Variants in AMOTL1 observed in about 807,000 individuals in gnomAD.
The protein encoded by AMOTL1 is angiomotin like 1.
A neutral mutation model predicts 102.9 loss-of-function variants in AMOTL1; 45 were observed. That is an observed-to-expected ratio of 0.44 (90% CI 0.34 to 0.56). The LOEUF (loss-of-function observed/expected upper bound fraction) is 0.56, where lower values mean the gene tolerates loss of function less well. Among genes scored for constraint, AMOTL1 ranks in the 20% least tolerant of loss-of-function variants. The pLI, the probability that AMOTL1 is intolerant of heterozygous loss-of-function variation, is 0.01. For missense variants in AMOTL1, 1,114 were observed against 1,225.6 expected (o/e 0.91, Z 1.36); for synonymous variants, 481 against 484.7 (o/e 0.99, Z 0.10).
intron 3 of AMOTL1, among the ~76,000 whole-genome samples, chr11:94,747,954 G>T (rs1177229943): frequency 6.6e-6 from 1 of 152,180 alleles, no homozygotes; most frequent in Non-Finnish European, 1.5e-5. Flanking sequence ...ATGGAATGGG[G>T]TGGGGTGGAA....
At chr11:94,859,003 C>G (rs1055639683) in intron 8 of AMOTL1, among the ~76,000 whole-genome samples, 1 of 152,172 alleles carries the variant, frequency 6.6e-6, no homozygotes, top group African/African-American at 2.4e-5. Context: ...TGAATACCTC[C>G]TTTCCCAGCA....
At chr11:94,815,848 AAG>A (rs751252628) in intron 3 of AMOTL1, among the ~76,000 whole-genome samples, 1 of 152,162 alleles carries the variant, frequency 6.6e-6, no homozygotes, top group African/African-American at 2.4e-5. Flanking sequence ...CTGGTTAAGA[AAG>A]AGGGATATTC....
intron 1 of AMOTL1, among the ~76,000 whole-genome samples, chr11:94,715,794 C>A (rs1436780817): frequency 6.6e-6 from 1 of 151,920 alleles, no homozygotes; most frequent in Non-Finnish European, 1.5e-5. Flanking sequence ...TGTTTTATTT[C>A]GTTTCAGTTT....
intron 3 of AMOTL1, chr11:94,820,350 G>T (rs1469828827): frequency 6.6e-6 from 1 of 152,502 alleles, no homozygotes; most frequent in Admixed American, 6.5e-5. Flanking sequence ...CACCACAGGA[G>T]AGGCAGCTCC....
chr11:94,756,751 A>G (rs1950730462), intron 3 of AMOTL1, among the ~76,000 whole-genome samples: 1 of 152,136 alleles, frequency 6.6e-6, no homozygotes, highest in Non-Finnish European at 1.5e-5. Context: ...GAGTTTCCCC[A>G]TCCACTCCCA....
chr11:94,803,899 A>G (rs1440156069), intron 3 of AMOTL1, among the ~76,000 whole-genome samples: 15 of 152,222 alleles, frequency 9.9e-5, no homozygotes. Context: ...TCCTGTACAA[A>G]TTAATTTTTT....
intron 3 of AMOTL1, among the ~76,000 whole-genome samples, chr11:94,804,988 CTT>C (rs1260455800): frequency 1.3e-5 from 2 of 152,170 alleles, no homozygotes; most frequent in African/African-American, 4.8e-5. Context: ...ACAATAAAAA[CTT>C]AGGCTTAGAG....
In AMOTL1 at chr11:94,853,949, C is replaced by T. The variant is rs1186448117; in HGVS notation, c.1811C>T (p.Ala604Val). ...KLEEELREKQ[A>V]YVEKVEKLQQ... Reference sequence around the variant, plus strand: ...TCCACTCAGTTACGAGAGAAGCAAGCATATGTTGAGAAAGTTGAGAAGCTG... The same window carrying T: ...TCCACTCAGTTACGAGAGAAGCAAGTATATGTTGAGAAAGTTGAGAAGCTG... Residue 604 changes from alanine to valine, a missense_variant, in exon 8 of 13, where the codon GCA becomes GTA. Coordinates refer to ENST00000433060, the MANE Select transcript of AMOTL1 (RefSeq NM_130847.3). The T allele has an allele frequency of 6.2e-7, 1 of 1,609,136 alleles. No individual in the cohort carries two copies. Among genetic ancestry groups the T allele is most frequent in the South Asian group, 1.1e-5 (1 of 89,854 alleles).
In AMOTL1 at chr11:94,729,187, G is replaced by T. The variant is rs1445313663; in HGVS notation, c.85+132G>T. On this transcript the variant is annotated intron_variant, in intron 2 of 4. Coordinates refer to the AMOTL1 transcript ENST00000299004. ...AAAGCAGCTGAGTGGAGAGGAGAGG[G>T]AATGGACTTTGAAGTCAGACAGACC... 1.8e-5 allele frequency: 10 copies of T among 559,430 alleles called. No homozygotes were observed. The East Asian group carries it at 7.4e-4, about 41-fold the overall frequency. The allele number at this position is 559,430 out of a possible 1,614,324, so 34.7% of individuals were successfully genotyped here. A position where few individuals can be genotyped will look rare whatever the true frequency, so the allele number is the denominator to read the frequency against.
intron 1 of AMOTL1, among the ~76,000 whole-genome samples, chr11:94,771,750 G>A (rs1950955947): frequency 6.6e-6 from 1 of 152,102 alleles, no homozygotes; most frequent in Admixed American, 6.6e-5. Context: ...TAACCTTAGG[G>A]TATATTCATT....
intron 2 of AMOTL1, among the ~76,000 whole-genome samples, chr11:94,798,840 G>A (rs1026878310): frequency 2.6e-5 from 4 of 152,128 alleles, no homozygotes; most frequent in African/African-American, 4.8e-5. Flanking sequence ...GAAAAGTTAG[G>A]TGTATAATAT....
chr11:94,855,010 G>A (rs1459937565), intron 8 of AMOTL1, among the ~76,000 whole-genome samples: 1 of 152,196 alleles, frequency 6.6e-6, no homozygotes, highest in East Asian at 1.9e-4. Context: ...AAGAAGACTG[G>A]TCAAAGGCTC....
chr11:94,772,889 A>C (rs1950974943), intron 1 of AMOTL1, among the ~76,000 whole-genome samples: 1 of 152,140 alleles, frequency 6.6e-6, no homozygotes, highest in Non-Finnish European at 1.5e-5. Flanking sequence ...TTTTTATTTT[A>C]GTTGTCCTAA....
chr11:94,760,134 C>A (rs1323912083), intron 3 of AMOTL1, among the ~76,000 whole-genome samples: 2 of 152,214 alleles, frequency 1.3e-5, no homozygotes, highest in Non-Finnish European at 2.9e-5. Flanking sequence ...CTCCTGTTTT[C>A]AACAGGACTC....
intron 1 of AMOTL1, among the ~76,000 whole-genome samples, chr11:94,726,459 T>C (rs918612456): frequency 1.3e-5 from 2 of 152,198 alleles, no homozygotes; most frequent in Non-Finnish European, 2.9e-5. Flanking sequence ...GGTAGCTTAG[T>C]TCTAAAAAAG....
intron 9 of AMOTL1, among the ~76,000 whole-genome samples, chr11:94,861,709 T>G (rs1014242106): frequency 6.6e-6 from 1 of 152,156 alleles, no homozygotes; most frequent in Non-Finnish European, 1.5e-5. Flanking sequence ...CCAGTAGCAG[T>G]GTAAATGTGT....
At chr11:94,740,895 A>G (rs940328681) in intron 2 of AMOTL1, 1 of 1,285,536 alleles carries the variant, frequency 7.8e-7, no homozygotes. Flanking sequence ...TTCGTCCTGA[A>G]TGGTAGCGAT....
In AMOTL1 at chr11:94,813,428, G is replaced by A. The variant is rs1951715183; in HGVS notation, c.1122-8102G>A. On this transcript the variant is annotated intron_variant, in intron 3 of 12. Coordinates refer to ENST00000433060, the MANE Select transcript of AMOTL1 (RefSeq NM_130847.3). The stretch of plus-strand genomic sequence containing the variant: ...CCTCCCATTTCATGTTGAAATAACT[G>A]GGATCAACGTTCCCCAGGCAAGGTA... Among the ~76,000 whole-genome samples, 3 of 152,130 alleles carry A rather than the reference G, an allele frequency of 2.0e-5. No homozygotes were observed. In the South Asian group the frequency reaches 6.2e-4, roughly 32 times the overall value.
intron 9 of AMOTL1, 76 bp from the exon 10 acceptor site, chr11:94,864,659 T>C (rs977552538): frequency 5.1e-6 from 8 of 1,555,332 alleles, no homozygotes; most frequent in South Asian, 2.5e-5. Flanking sequence ...CACCAGCCTC[T>C]CCATTCTGTG....
Sources: allele counts gnomAD v4.1 joint callset (sites outside exome capture counted in the v4.1 genomes callset), GRCh38; gene constraint gnomAD v4.1.1; transcripts MANE v1.5; gene names NCBI Gene and HGNC (gene_info 2026-07-23, HGNC 2026-07-21).